POLR1A: variants seen among roughly 807,000 people sequenced by gnomAD.
The protein encoded by POLR1A is DNA-directed RNA polymerase I subunit RPA1.
In POLR1A, 84 loss-of-function variants were observed where a neutral mutation model predicts 205.3. The observed-to-expected ratio is 0.41, with a 90% CI of 0.34 to 0.49. POLR1A has a LOEUF of 0.49. Among genes scored for constraint, POLR1A ranks in the 20% least tolerant of loss-of-function variants. The pLI, the probability that POLR1A is intolerant of heterozygous loss-of-function variation, is 0.22. For missense variants in POLR1A, 1,645 were observed against 2,204.5 expected (o/e 0.75, Z 5.08); for synonymous variants, 799 against 863.7 (o/e 0.93, Z 1.31).
rs1254515349 is a variant in POLR1A at position 86,024,214 on chromosome 2, A to G, written c.*3209T>C. ...AGGCAATTCTGACACATGCTACAGC[A>G]TGGATGAACCTTGAGGACATTATGC... is the stretch of plus-strand genomic sequence containing the variant. On this transcript the variant is annotated 3_prime_UTR_variant, in exon 34 of 34. Coordinates refer to ENST00000263857, the MANE Select transcript of POLR1A (RefSeq NM_015425.6). 4.8e-6 allele frequency: 1 copy of G among 206,616 alleles called. No homozygotes were observed. Among genetic ancestry groups the G allele is most frequent in the Non-Finnish European group, 1.0e-5 (1 of 98,316 alleles). 12.8% of individuals were successfully genotyped at this position (206,616 alleles called of 1,614,324 possible). A position where few individuals can be genotyped will look rare whatever the true frequency, so the allele number is the denominator to read the frequency against.
intron 14 of POLR1A, among the ~76,000 whole-genome samples, chr2:86,063,371 A>T (rs1012023673): frequency 3.3e-5 from 5 of 149,712 alleles, no homozygotes; most frequent in African/African-American, 7.4e-5. Context: ...AAGAAAGAAA[A>T]CCTTGCCACA....
chr2:86,027,128 T>TCCTGCAGCACAGGTGAGGCCC lies in POLR1A; in HGVS notation c.*274_*294dup. On this transcript the variant is annotated 3_prime_UTR_variant, in exon 34 of 34. Transcript: ENST00000263857. ...CCTTAGGGGTTATGCCACAGAGGCCTCCTGCAGCACAGGTGAGGCCCCAGC... is the reference window on the plus strand; with the variant it reads ...CCTTAGGGGTTATGCCACAGAGGCCTCCTGCAGCACAGGTGAGGCCCCCTGCAGCACAGGTGAGGCCCCAGC... 1 of 463,802 alleles carries TCCTGCAGCACAGGTGAGGCCC rather than the reference T, an allele frequency of 2.2e-6. No homozygotes were observed. The highest frequency in any genetic ancestry group is 3.9e-6 in the Non-Finnish European group (1 of 253,712). The allele number at this position is 463,802 out of a possible 1,614,324, so 28.7% of individuals were successfully genotyped here. A position where few individuals can be genotyped will look rare whatever the true frequency, so the allele number is the denominator to read the frequency against.
chr2:86,048,823 A>G, intron 18 of POLR1A, 61 bp downstream of exon 18: 1 of 1,490,240 alleles, frequency 6.7e-7, no homozygotes, highest in African/African-American at 1.4e-5. Context: ...ATCAAAATGT[A>G]ATTTTTTTAA....
intron 12 of POLR1A, among the ~76,000 whole-genome samples, chr2:86,071,229 T>TGTGCGCGC (rs1418268560): frequency 2.3e-3 from 2 of 874 alleles, no homozygotes; most frequent in Admixed American, 0.05. Context: ...TCCGTGTGCA[T>TGTGCGCGC]GTGTGTGTGT....
intron 3 of POLR1A, among the ~76,000 whole-genome samples, chr2:86,095,639 A>C (rs1673688926): frequency 6.6e-6 from 1 of 152,222 alleles, no homozygotes; most frequent in Non-Finnish European, 1.5e-5. Context: ...AAAAGTAACC[A>C]GCCAGAGAAA....
chr2:86,099,689 G>C lies in POLR1A; in HGVS notation c.282+279C>G, dbSNP rs142923455. On this transcript the variant is annotated intron_variant, in intron 2 of 33. Coordinates refer to ENST00000263857, the MANE Select transcript of POLR1A (RefSeq NM_015425.6). ...AGAGCACAAAGCCCCTGCAACAAAA[G>C]GTGTAGGGAATGAATCTGAACTCTC... 1.3e-4 allele frequency among the ~76,000 whole-genome samples: 20 copies of C among 152,220 alleles called. No individual in the cohort carries two copies. In the East Asian group the frequency reaches 3.7e-3, roughly 28 times the overall value.
chr2:86,045,252 C>T, intron 21 of POLR1A, 26 bp downstream of exon 21: 1 of 1,507,092 alleles, frequency 6.6e-7, no homozygotes, highest in East Asian at 2.3e-5. Context: ...CACTCTACCT[C>T]AAGGGGCACG....
intron 14 of POLR1A, among the ~76,000 whole-genome samples, chr2:86,062,534 A>T (rs748141231): frequency 3.8e-4 from 58 of 152,272 alleles, no homozygotes; most frequent in Non-Finnish European, 4.7e-4. Flanking sequence ...AAAACACAAC[A>T]TATTAATTTG....
At chr2:86,081,833 C>CTCAAA in intron 7 of POLR1A, 127 bp from the exon 8 acceptor site, 1 of 629,976 alleles carries the variant, frequency 1.6e-6, no homozygotes, top group Non-Finnish European at 2.8e-6. Flanking sequence ...GAGTTAAGGT[C>CTCAAA]ACAGTTTTCT....
chr2:86,030,444 CACAAA>C, intron 30 of POLR1A, 48 bp from the exon 31 acceptor site: 3 of 1,366,944 alleles, frequency 2.2e-6, no homozygotes, highest in Non-Finnish European at 3.1e-6. Context: ...CTCCAGTCCC[CACAAA>C]GAGGACTGAG....
At chr2:86,092,998 T>C (rs1331040186) in intron 3 of POLR1A, among the ~76,000 whole-genome samples, 1 of 152,208 alleles carries the variant, frequency 6.6e-6, no homozygotes, top group Non-Finnish European at 1.5e-5. Flanking sequence ...ATTAAAAAGG[T>C]AATATATCAT....
chr2:86,089,156 A>C (rs1673558732), intron 4 of POLR1A, among the ~76,000 whole-genome samples: 1 of 152,216 alleles, frequency 6.6e-6, no homozygotes, highest in African/African-American at 2.4e-5. Context: ...GGGGGCTTGA[A>C]ATACAGCCAG....
At position 86,101,414 on chromosome 2, in the gene POLR1A, G is replaced by A. The variant is rs140180408; in HGVS notation, c.78-1242C>T. On this transcript the variant is annotated intron_variant, in intron 1 of 33. Coordinates refer to ENST00000263857, the MANE Select transcript of POLR1A (RefSeq NM_015425.6). Reference sequence around the variant, plus strand: ...GCTCTAGAAGATTCTATGTTGCATGGCCAGTGTCACTCTAAGGGCCAAGGC... The same window carrying A: ...GCTCTAGAAGATTCTATGTTGCATGACCAGTGTCACTCTAAGGGCCAAGGC... 7.3e-4 allele frequency among the ~76,000 whole-genome samples: 111 copies of A among 152,254 alleles called. No homozygotes were observed. In the East Asian group the frequency reaches 0.017, roughly 24 times the overall value.
chr2:86,081,509 TGCCCTTG>T (rs1558781414), intron 8 of POLR1A, 85 bp downstream of exon 8: 1 of 736,500 alleles, frequency 1.4e-6, no homozygotes, highest in Admixed American at 2.6e-5. Context: ...TGTCTCTCAG[TGCCCTTG>T]GCCCTTTCAC....
intron 13 of POLR1A, 111 bp from the exon 14 acceptor site, chr2:86,065,576 C>T: frequency 2.3e-6 from 2 of 867,604 alleles, no homozygotes; most frequent in South Asian, 3.4e-5. Context: ...CTTCTTATAT[C>T]CCTGTCTTGT....
chr2:86,077,717 A>G, intron 11 of POLR1A, 142 bp downstream of exon 11: 2 of 1,025,272 alleles, frequency 2.0e-6, no homozygotes, highest in African/African-American at 3.2e-5. Flanking sequence ...GTTCCGCCCA[A>G]GCCAGAATAA....
rs565558264 is a variant in POLR1A at position 86,044,482 on chromosome 2, C to T, written c.2970-178G>A. ...GGTCTGGGCTTGCTCCAGTGTCCCCCAGCCAGGGGCTGCATTTCCTGATGG... is the reference window on the plus strand; with the variant it reads ...GGTCTGGGCTTGCTCCAGTGTCCCCTAGCCAGGGGCTGCATTTCCTGATGG... On this transcript the variant is annotated intron_variant, in intron 21 of 33. Coordinates refer to ENST00000263857, the MANE Select transcript of POLR1A (RefSeq NM_015425.6). 2.1e-5 allele frequency: 13 copies of T among 633,506 alleles called. No individual in the cohort carries two copies. The African/African-American group carries it at 2.4e-4, about 12-fold the overall frequency. 39.2% of individuals were successfully genotyped at this position (633,506 alleles called of 1,614,324 possible).
Position 86,070,228 on chromosome 2 carries a change from T to C in POLR1A, c.1656A>G (p.Arg552=). The C allele has an allele frequency of 1.2e-6, 2 of 1,613,772 alleles. No homozygotes were observed. The highest frequency in any genetic ancestry group is 1.7e-6 in the Non-Finnish European group (2 of 1,179,676). ...TGGAGGGTCTGTGCAGTGTGGGCTG[T>C]CGGTTCAGTAGCAGAATGTCCCCAT... ...VKNGDILLLN[R]QPTLHRPSIQ... is the part of the protein sequence containing the mutation. The change falls in exon 13 of 34, where the codon CGA becomes CGG. Residue 552 remains arginine, a synonymous_variant. Transcript: ENST00000263857. The surrounding 1 kb of genome is among the most constrained non-coding windows in gnomAD (Gnocchi z 4.4).
At chr2:86,049,072 C>T in intron 17 of POLR1A, 30 bp from the exon 18 acceptor site, 1 of 1,614,094 alleles carries the variant, frequency 6.2e-7, no homozygotes, top group Non-Finnish European at 8.5e-7. Flanking sequence ...ACAGCGGAGG[C>T]TGAGGCCAAA....
Sources: allele counts gnomAD v4.1 joint callset (sites outside exome capture counted in the v4.1 genomes callset), GRCh38; gene constraint gnomAD v4.1.1; non-coding constraint Gnocchi (gnomAD v3.1); transcripts MANE v1.5; gene names NCBI Gene and HGNC (gene_info 2026-07-23, HGNC 2026-07-21).